CDH13: variants seen among roughly 807,000 people sequenced by gnomAD.
CDH13 encodes the protein cadherin 13, also known as cadherin-13.
In CDH13, 24 loss-of-function variants were observed where a neutral mutation model predicts 63.8. The observed-to-expected ratio is 0.38, with a 90% CI of 0.27 to 0.53. The LOEUF is 0.53. CDH13 is among the 20% of genes least tolerant of loss of function. CDH13 has a pLI of 0.85. For missense variants in CDH13, 1,049 were observed against 903.1 expected (o/e 1.16, Z -2.07); for synonymous variants, 503 against 355.3 (o/e 1.42, Z -4.67).
rs562809019 is a variant in CDH13, at chr16:82,921,890, G to A, written c.157+63417G>A. Among the ~76,000 whole-genome samples, 9 of 152,028 alleles carry A rather than the reference G, an allele frequency of 5.9e-5. No homozygotes were observed. The South Asian group carries it at 1.7e-3, about 28-fold the overall frequency. ...TCTATCTGGGTCTGAGCTTTTCTTTGCAGAAATATTCTAAATTACTGATTC... is the reference window on the plus strand; with the variant it reads ...TCTATCTGGGTCTGAGCTTTTCTTTACAGAAATATTCTAAATTACTGATTC... On this transcript the variant is annotated intron_variant, in intron 2 of 13. Transcript: ENST00000567109.
intron 5 of CDH13, among the ~76,000 whole-genome samples, chr16:83,281,005 C>T (rs1428300382): frequency 6.6e-6 from 1 of 152,174 alleles, no homozygotes; most frequent in African/African-American, 2.4e-5. Context: ...TCAGAATGGC[C>T]AATAAGCATT....
At chr16:83,358,449 C>T (rs189714090) in intron 6 of CDH13, among the ~76,000 whole-genome samples, 1 of 152,130 alleles carries the variant, frequency 6.6e-6, no homozygotes, top group Non-Finnish European at 1.5e-5. Context: ...CTGTTGCCTG[C>T]GGAATGCCAT....
At chr16:83,660,703 GTTA>G (rs910654970) in intron 8 of CDH13, among the ~76,000 whole-genome samples, 2 of 152,188 alleles carry the variant, frequency 1.3e-5, no homozygotes, top group Non-Finnish European at 2.9e-5. Flanking sequence ...AGCAGACTAT[GTTA>G]TTGTTTCTTG....
chr16:83,748,087 C>T (rs768240066), intron 10 of CDH13, 21 bp from the exon 11 acceptor site: 3 of 1,613,672 alleles, frequency 1.9e-6, no homozygotes, highest in African/African-American at 1.3e-5. Context: ...CAGAGTCTGA[C>T]ATTGTGGGGA....
At position 82,948,042 on chromosome 16, in the gene CDH13, A is replaced by G. The variant is rs373248841; in HGVS notation, c.158-83968A>G. ...TGGAGATGTAACATGGTAATTTAATATTTATTCTACTAAGCATTCTTTAAT... is the reference window on the plus strand; with the variant it reads ...TGGAGATGTAACATGGTAATTTAATGTTTATTCTACTAAGCATTCTTTAAT... On this transcript the variant is annotated intron_variant, in intron 2 of 13. Transcript: ENST00000567109. Among the ~76,000 whole-genome samples the G allele has an allele frequency of 2.8e-3, 422 of 152,310 alleles. 3 individuals are homozygous for G. The highest frequency in any genetic ancestry group is 0.017 in the South Asian group (81 of 4,828).
rs116214505 is a variant in CDH13 at position 83,357,355 on chromosome 16, A to C, written c.781+12349A>C. ...CATATACGTGTGTATGTGTCTGTAC[A>C]TTCACATACACACACATGAAATCAG... On this transcript the variant is annotated intron_variant, in intron 6 of 13. Coordinates refer to ENST00000567109, the MANE Select transcript of CDH13 (RefSeq NM_001257.5). Among the ~76,000 whole-genome samples the C allele has an allele frequency of 8.1e-3, 1,238 of 152,310 alleles. 19 individuals carry two copies. The highest frequency in any genetic ancestry group is 0.028 in the African/African-American group (1,178 of 41,566).
intron 1 of CDH13, among the ~76,000 whole-genome samples, chr16:82,790,717 A>G (rs2036258061): frequency 6.6e-6 from 1 of 152,200 alleles, no homozygotes; most frequent in Admixed American, 6.5e-5. Context: ...TAGCAGTGGC[A>G]GAAGGCAGCC....
At chr16:83,597,751 C>T (rs1273500708) in intron 7 of CDH13, among the ~76,000 whole-genome samples, 2 of 152,150 alleles carry the variant, frequency 1.3e-5, no homozygotes, top group Non-Finnish European at 2.9e-5. Context: ...CAGTCTATTT[C>T]TCATTATAGG....
intron 3 of CDH13, among the ~76,000 whole-genome samples, chr16:83,115,221 A>G (rs933610109): frequency 1.3e-5 from 2 of 152,196 alleles, no homozygotes; most frequent in Non-Finnish European, 2.9e-5. Context: ...GAGCTGAATG[A>G]CTTGGGATGA....
intron 1 of CDH13, among the ~76,000 whole-genome samples, chr16:82,703,408 C>G (rs1406766988): frequency 1.3e-5 from 2 of 152,076 alleles, no homozygotes; most frequent in Admixed American, 6.5e-5. Flanking sequence ...CTGGAGAACT[C>G]GTACCCCCAG....
At chr16:83,003,121 A>G (rs1182400371) in intron 2 of CDH13, among the ~76,000 whole-genome samples, 1 of 152,196 alleles carries the variant, frequency 6.6e-6, no homozygotes, top group Non-Finnish European at 1.5e-5. Context: ...CAACACTGGA[A>G]TGACTTATGT....
At chr16:82,947,329 G>T (rs1392437779) in intron 2 of CDH13, among the ~76,000 whole-genome samples, 1 of 152,046 alleles carries the variant, frequency 6.6e-6, no homozygotes, top group Non-Finnish European at 1.5e-5. Flanking sequence ...CCAAGAGTGT[G>T]TACCCAGGAG....
At chr16:82,775,226 T>A (rs1312190114) in intron 1 of CDH13, among the ~76,000 whole-genome samples, 1 of 152,178 alleles carries the variant, frequency 6.6e-6, no homozygotes, top group African/African-American at 2.4e-5. Context: ...CTTAGCACAC[T>A]ATATGGCACT....
At chr16:83,653,298 T>C (rs903923103) in intron 8 of CDH13, among the ~76,000 whole-genome samples, 3 of 152,200 alleles carry the variant, frequency 2.0e-5, no homozygotes, top group Non-Finnish European at 4.4e-5. Context: ...ATGAATTTTT[T>C]GGTATGTGAA....
At chr16:83,158,292 C>T (rs1403555037) in intron 4 of CDH13, among the ~76,000 whole-genome samples, 1 of 152,170 alleles carries the variant, frequency 6.6e-6, no homozygotes, top group Non-Finnish European at 1.5e-5. Flanking sequence ...CTGCTCCCTC[C>T]CCACCCCTGC....
chr16:83,603,617 G>GA (rs1318493347), intron 8 of CDH13, among the ~76,000 whole-genome samples: 3 of 152,032 alleles, frequency 2.0e-5, no homozygotes, highest in African/African-American at 4.8e-5. Context: ...GGTGTTTGGA[G>GA]AAAAAAACCT....
intron 2 of CDH13, among the ~76,000 whole-genome samples, chr16:82,917,706 G>GT (rs1328216974): frequency 2.6e-5 from 4 of 152,076 alleles, no homozygotes; most frequent in African/African-American, 9.7e-5. Context: ...GAGGTCAGGA[G>GT]TTTAAGACCA....
chr16:83,510,018 T>A (rs927015572), intron 7 of CDH13, among the ~76,000 whole-genome samples: 2 of 152,160 alleles, frequency 1.3e-5, no homozygotes. Context: ...TTTAATGGAC[T>A]TTTTCAGAAG....
At chr16:83,334,312 C>CTCTCCCTA in intron 5 of CDH13, among the ~76,000 whole-genome samples, 1 of 149,962 alleles carries the variant, frequency 6.7e-6, no homozygotes, top group Non-Finnish European at 1.5e-5. Context: ...TCTCCCCCCT[C>CTCTCCCTA]TCTCCCTATC....
Sources: allele counts gnomAD v4.1 joint callset (sites outside exome capture counted in the v4.1 genomes callset), GRCh38; gene constraint gnomAD v4.1.1; transcripts MANE v1.5; gene names NCBI Gene and HGNC (gene_info 2026-07-23, HGNC 2026-07-21).